PDE6D: variants seen among roughly 807,000 people sequenced by gnomAD.
The protein encoded by PDE6D is retinal rod rhodopsin-sensitive cGMP 3',5'-cyclic phosphodiesterase subunit delta.
PDE6D carries 10 observed loss-of-function variants against 21.9 expected under a neutral mutation model. The ratio of observed to expected loss-of-function variants is 0.46; its 90% CI spans 0.28 to 0.78. The LOEUF is 0.78. Among genes scored for constraint, PDE6D ranks in the 30% least tolerant of loss-of-function variants. PDE6D has a pLI of 0.12. For synonymous variants in PDE6D, 59 were observed against 63.5 expected (o/e 0.93, Z 0.34); for missense variants, 139 against 184.8 (o/e 0.75, Z 1.44).
chr2:231,765,607 C>T (rs1001514826), intron 1 of PDE6D, among the ~76,000 whole-genome samples: 2 of 152,228 alleles, frequency 1.3e-5, no homozygotes, highest in Admixed American at 6.5e-5. Flanking sequence ...CAGACCAGAG[C>T]ACTATGAGGC....
In PDE6D at chr2:231,778,765, C is replaced by T. The variant is rs540440057; in HGVS notation, c.50+2300G>A. The T allele has an allele frequency of 5.3e-5, 8 of 152,310 alleles. No individual in the cohort carries two copies. In the East Asian group the frequency reaches 1.5e-3, roughly 29 times the overall value. The allele number at this position is 152,310 out of a possible 1,614,324, so 9.4% of individuals were successfully genotyped here. A position where few individuals can be genotyped will look rare whatever the true frequency, so the allele number is the denominator to read the frequency against. On this transcript the variant is annotated intron_variant, in intron 1 of 4. Coordinates refer to ENST00000287600, the MANE Select transcript of PDE6D (RefSeq NM_002601.4). ...TCCAGTATAGCTCTTAACCACTATG[C>T]TACATTACCTTTTCATGGATCTAGG... is the stretch of plus-strand genomic sequence containing the variant.
In PDE6D at chr2:231,766,919, G is replaced by A. The variant is rs373689799; in HGVS notation, c.50+14146C>T. On this transcript the variant is annotated intron_variant, in intron 1 of 4. Transcript: ENST00000287600. ...AGGCTACTCGGGATGGCTGGAATCCGGGAGGCGGAGGTTGCAGGGAGCTGA... is the reference window on the plus strand; with the variant it reads ...AGGCTACTCGGGATGGCTGGAATCCAGGAGGCGGAGGTTGCAGGGAGCTGA... 4.4e-3 allele frequency among the ~76,000 whole-genome samples: 663 copies of A among 151,272 alleles called. 5 individuals are homozygous for A. Among genetic ancestry groups the A allele is most frequent in the African/African-American group, 0.016 (641 of 41,192 alleles).
chr2:231,772,738 T>C (rs10174681), intron 1 of PDE6D, among the ~76,000 whole-genome samples: 4,843 of 152,216 alleles, frequency 0.032, 193 homozygotes, highest in African/African-American at 0.092. Flanking sequence ...GCTAGTCCTT[T>C]ATCAAATGTA....
chr2:231,776,036 T>C lies in PDE6D; in HGVS notation c.50+5029A>G, dbSNP rs140216126. The stretch of plus-strand genomic sequence containing the variant: ...GATACAGACTATACTAGAAAGCTAG[T>C]ATAAGAGTACTGTGACAAATGCTAG... On this transcript the variant is annotated intron_variant, in intron 1 of 4. Transcript: ENST00000287600. Among the ~76,000 whole-genome samples, 83 of 152,294 alleles carry C rather than the reference T, an allele frequency of 5.4e-4. 1 individual carries two copies. Among genetic ancestry groups the C allele is most frequent in the African/African-American group, 1.9e-3 (79 of 41,564 alleles).
intron 4 of PDE6D, among the ~76,000 whole-genome samples, chr2:231,735,241 C>CA (rs201484196): frequency 0.032 from 2,758 of 86,796 alleles, 59 homozygotes; most frequent in Middle Eastern, 0.071. Context: ...GACTCCATAT[C>CA]AAAAAAAAAA....
intron 1 of PDE6D, among the ~76,000 whole-genome samples, chr2:231,758,183 G>C (rs2048898180): frequency 6.6e-6 from 1 of 152,152 alleles, no homozygotes; most frequent in Non-Finnish European, 1.5e-5. Context: ...CAGACAGATA[G>C]GTAGATAGAT....
chr2:231,779,007 TAGTC>T (rs1449041834), intron 1 of PDE6D: 8 of 152,196 alleles, frequency 5.3e-5, no homozygotes, highest in Non-Finnish European at 8.8e-5. Flanking sequence ...AGGTGGACAA[TAGTC>T]AGTTTCTTAC....
chr2:231,735,059 G>T (rs1228000930), intron 4 of PDE6D, among the ~76,000 whole-genome samples: 1 of 149,080 alleles, frequency 6.7e-6, no homozygotes, highest in Non-Finnish European at 1.5e-5. Flanking sequence ...TGGCTAACAT[G>T]GTGAAACCCC....
chr2:231,769,530 A>T (rs6745121), intron 1 of PDE6D, among the ~76,000 whole-genome samples: 105,483 of 146,240 alleles, frequency 0.72, 38,746 homozygotes, highest in East Asian at 0.96. Context: ...TCTCTCTCTC[A>T]CACACACACA....
In PDE6D at chr2:231,769,019, C is replaced by T. The variant is rs571020886; in HGVS notation, c.50+12046G>A. Among the ~76,000 whole-genome samples, 7 of 152,238 alleles carry T rather than the reference C, an allele frequency of 4.6e-5. No individual in the cohort carries two copies. The South Asian group carries it at 1.4e-3, about 32-fold the overall frequency. ...GAGTAGCTGGGATTACAGGCACACG[C>T]TACCACGCCCGGCTCATTTTGGTAT... On this transcript the variant is annotated intron_variant, in intron 1 of 4. Coordinates refer to ENST00000287600, the MANE Select transcript of PDE6D (RefSeq NM_002601.4).
chr2:231,762,339 C>CTTT (rs3074725), intron 1 of PDE6D, among the ~76,000 whole-genome samples: 97 of 83,440 alleles, frequency 1.2e-3, no homozygotes, highest in Non-Finnish European at 1.5e-3. Flanking sequence ...AGGACTAACG[C>CTTT]TTTTTTTTTT....
Position 231,732,571 on chromosome 2 carries a change from G to A in PDE6D, c.*381C>T. Reference sequence around the variant, plus strand: ...AAACTAAACATGGGTCAGGAACACGGAATTTTTCCAAAACCAGGGGCCAAA... The same window carrying A: ...AAACTAAACATGGGTCAGGAACACGAAATTTTTCCAAAACCAGGGGCCAAA... On this transcript the variant is annotated 3_prime_UTR_variant, in exon 5 of 5. Coordinates refer to ENST00000287600, the MANE Select transcript of PDE6D (RefSeq NM_002601.4). 6.1e-6 allele frequency: 1 copy of A among 164,034 alleles called. No homozygotes were observed. Among genetic ancestry groups the A allele is most frequent in the East Asian group, 1.7e-4 (1 of 5,940 alleles). 10.2% of individuals were successfully genotyped at this position (164,034 alleles called of 1,614,324 possible).
In PDE6D at chr2:231,733,073, G is replaced by A. The variant is rs780360512; in HGVS notation, c.372-40C>T. 1.6e-5 allele frequency: 21 copies of A among 1,290,206 alleles called. No individual in the cohort carries two copies. The East Asian group carries it at 2.1e-4, about 13-fold the overall frequency. The allele number at this position is 1,290,206 out of a possible 1,614,324, so 79.9% of individuals were successfully genotyped here. Reference sequence around the variant, plus strand: ...AGAAACAGAGGGCAAAAGAGAGTGAGCATGTTAGGCACAAGATTTCATTTC... The same window carrying A: ...AGAAACAGAGGGCAAAAGAGAGTGAACATGTTAGGCACAAGATTTCATTTC... On this transcript the variant is annotated intron_variant, in intron 4 of 4. Transcript: ENST00000287600.
chr2:231,753,482 C>T (rs1316505345), intron 1 of PDE6D, among the ~76,000 whole-genome samples: 4 of 151,922 alleles, frequency 2.6e-5, no homozygotes, highest in Admixed American at 6.6e-5. Flanking sequence ...ACCTGGGAGG[C>T]GGAGCTTGCA....
At chr2:231,754,008 A>T (rs1180370680) in intron 1 of PDE6D, among the ~76,000 whole-genome samples, 2 of 152,210 alleles carry the variant, frequency 1.3e-5, no homozygotes, top group Admixed American at 6.5e-5. Context: ...GAAGCTTCTC[A>T]TAAGACTTCA....
Position 231,732,794 on chromosome 2 carries a change from C to T in PDE6D, c.*158G>A. 1 of 610,802 alleles carries T rather than the reference C, an allele frequency of 1.6e-6. No homozygotes were observed. 37.8% of individuals were successfully genotyped at this position (610,802 alleles called of 1,614,324 possible). A position where few individuals can be genotyped will look rare whatever the true frequency, so the allele number is the denominator to read the frequency against. On this transcript the variant is annotated 3_prime_UTR_variant, in exon 5 of 5. Transcript: ENST00000287600. ...TTGGGAAAAAGAGCCATCTGGTTAC[C>T]TACACAGAGCTGGTCCCCTGGTGGC...
chr2:231,748,603 G>A (rs950911865), intron 1 of PDE6D, among the ~76,000 whole-genome samples: 2 of 152,238 alleles, frequency 1.3e-5, no homozygotes, highest in Non-Finnish European at 1.5e-5. Flanking sequence ...GGAGCCTAAT[G>A]TTAATCCCCA....
intron 1 of PDE6D, among the ~76,000 whole-genome samples, chr2:231,742,336 T>G (rs2048756295): frequency 6.6e-6 from 1 of 152,186 alleles, no homozygotes; most frequent in Admixed American, 6.5e-5. Context: ...TTGTTCAGGC[T>G]GGTCTCAAAC....
At chr2:231,779,664 G>A (rs1001703447) in intron 1 of PDE6D, among the ~76,000 whole-genome samples, 1 of 152,194 alleles carries the variant, frequency 6.6e-6, no homozygotes, top group Non-Finnish European at 1.5e-5. Context: ...GGCACATGGA[G>A]CTATAAAAGA....
Sources: gnomAD v4.1 joint callset for allele counts (sites outside exome capture counted in the v4.1 genomes callset) on GRCh38, gnomAD v4.1.1 for gene constraint, MANE v1.5 for transcripts, NCBI Gene and HGNC (gene_info 2026-07-23, HGNC 2026-07-21) for gene names.